The following SLCO3A1 variants were observed in gnomAD, a reference collection of about 807,000 sequenced individuals.
The protein encoded by SLCO3A1 is solute carrier organic anion transporter family member 3A1.
Under a neutral mutation model 63.1 loss-of-function variants are expected in SLCO3A1, and 27 were observed. That is an observed-to-expected ratio of 0.43 (90% CI 0.32 to 0.59). The LOEUF (loss-of-function observed/expected upper bound fraction) is 0.59. Ranked by LOEUF, SLCO3A1 falls within the 20% of genes least tolerant of loss-of-function variation. The pLI, the probability that SLCO3A1 is intolerant of heterozygous loss-of-function variation, is 0.09. For missense variants in SLCO3A1, 773 were observed against 945.8 expected (o/e 0.82, Z 2.40); for synonymous variants, 473 against 409.9 (o/e 1.15, Z -1.86).
intron 2 of SLCO3A1, among the ~76,000 whole-genome samples, chr15:91,995,465 A>G (rs1351544294): frequency 1.3e-5 from 2 of 152,244 alleles, no homozygotes; most frequent in Non-Finnish European, 2.9e-5. Context: ...GCTAATGGTT[A>G]GGAATTCAGA....
At chr15:91,881,894 A>C (rs1374287302) in intron 1 of SLCO3A1, among the ~76,000 whole-genome samples, 3 of 152,190 alleles carry the variant, frequency 2.0e-5, no homozygotes, top group Non-Finnish European at 2.9e-5. Context: ...TGCTTGAGTG[A>C]GGTAACCCTG....
At chr15:92,027,005 A>T (rs528847342) in intron 2 of SLCO3A1, among the ~76,000 whole-genome samples, 1 of 151,846 alleles carries the variant, frequency 6.6e-6, no homozygotes, top group Admixed American at 6.6e-5. Flanking sequence ...CAGGAGAATC[A>T]CTTGAACCCA....
chr15:91,990,751 G>A (rs776069914), intron 2 of SLCO3A1, among the ~76,000 whole-genome samples: 22 of 151,910 alleles, frequency 1.4e-4, no homozygotes, highest in Non-Finnish European at 2.6e-4. Flanking sequence ...GACCCTTCCT[G>A]ACGCATTTGC....
intron 2 of SLCO3A1, among the ~76,000 whole-genome samples, chr15:92,022,829 C>T (rs2046526974): frequency 6.6e-6 from 1 of 151,208 alleles, no homozygotes; most frequent in African/African-American, 2.5e-5. Flanking sequence ...CAGGAGGCTT[C>T]CCAGGAAGAA....
At chr15:92,153,396 G>A (rs1372438040) in intron 9 of SLCO3A1, 1 of 152,138 alleles carries the variant, frequency 6.6e-6, no homozygotes, top group Admixed American at 6.5e-5. Context: ...ATTAGAGGCT[G>A]GAAAACCCTG....
intron 2 of SLCO3A1, among the ~76,000 whole-genome samples, chr15:92,045,754 C>G (rs1324593821): frequency 6.6e-6 from 1 of 152,162 alleles, no homozygotes; most frequent in East Asian, 1.9e-4. Flanking sequence ...ATTTATTGAG[C>G]TACTGCGGAG....
intron 1 of SLCO3A1, among the ~76,000 whole-genome samples, chr15:91,892,718 A>G (rs1002337149): frequency 6.6e-6 from 1 of 152,182 alleles, no homozygotes; most frequent in Non-Finnish European, 1.5e-5. Flanking sequence ...AGCTCTCTTT[A>G]TAAATGTCCT....
intron 2 of SLCO3A1, among the ~76,000 whole-genome samples, chr15:92,090,164 T>A (rs909178281): frequency 6.6e-6 from 1 of 152,202 alleles, no homozygotes; most frequent in Non-Finnish European, 1.5e-5. Context: ...CATATTGATT[T>A]CCACACTTGG....
chr15:92,017,292 G>A (rs78764619), intron 2 of SLCO3A1, among the ~76,000 whole-genome samples: 4 of 151,986 alleles, frequency 2.6e-5, no homozygotes, highest in South Asian at 2.1e-4. Flanking sequence ...GATTGGGGGG[G>A]GGTAGGGAAA....
chr15:91,896,888 G>A (rs1898018851), intron 1 of SLCO3A1, among the ~76,000 whole-genome samples: 1 of 152,140 alleles, frequency 6.6e-6, no homozygotes. Flanking sequence ...AATCCAAATG[G>A]TACTTAGAAT....
At chr15:92,061,745 C>T (rs139830909) in intron 2 of SLCO3A1, among the ~76,000 whole-genome samples, 65 of 152,316 alleles carry the variant, frequency 4.3e-4, no homozygotes, top group Middle Eastern at 3.4e-3. Context: ...CAAAACAGGC[C>T]AGAAGGACCA....
At chr15:92,125,485 T>G (rs2047910161) in intron 5 of SLCO3A1, among the ~76,000 whole-genome samples, 1 of 152,100 alleles carries the variant, frequency 6.6e-6, no homozygotes, top group Admixed American at 6.5e-5. Flanking sequence ...CTACAAAACA[T>G]ATTGATTGAT....
At chr15:92,113,763 T>C (rs1388694895) in intron 4 of SLCO3A1, among the ~76,000 whole-genome samples, 1 of 152,182 alleles carries the variant, frequency 6.6e-6, no homozygotes, top group Middle Eastern at 3.2e-3. Flanking sequence ...AGGCCTCCTC[T>C]CCCACCTGGG....
rs923230584 is a variant in SLCO3A1 at position 91,854,513 on chromosome 15, C to A, written c.180+425C>A. On this transcript the variant is annotated intron_variant, in intron 1 of 9. Coordinates refer to ENST00000318445, the MANE Select transcript of SLCO3A1 (RefSeq NM_013272.4). This position sits in a 1 kb window ranked among gnomAD's most constrained non-coding sequence, Gnocchi z 6.4. ...CAGTTAGCATCCTGCGTCCTCTACT[C>A]TCCATTGCATCCTCCTCGAGAACAA... is the stretch of plus-strand genomic sequence containing the variant. 3.6e-6 allele frequency: 1 copy of A among 276,182 alleles called. No homozygotes were observed. Among genetic ancestry groups the A allele is most frequent in the Non-Finnish European group, 5.6e-6 (1 of 179,172 alleles). 17.1% of individuals were successfully genotyped at this position (276,182 alleles called of 1,614,324 possible).
chr15:92,020,311 G>T (rs535587324), intron 2 of SLCO3A1, among the ~76,000 whole-genome samples: 1 of 151,772 alleles, frequency 6.6e-6, no homozygotes, highest in East Asian at 1.9e-4. Context: ...CCCCCATAGC[G>T]CACATTTTTG....
intron 9 of SLCO3A1, chr15:92,161,587 C>A (rs1461022062): frequency 1.3e-5 from 2 of 152,204 alleles, no homozygotes; most frequent in Non-Finnish European, 2.9e-5. Flanking sequence ...CCAGGGGAAG[C>A]GAAGTTGTCA....
intron 2 of SLCO3A1, among the ~76,000 whole-genome samples, chr15:92,024,070 A>G (rs905161964): frequency 5.3e-5 from 8 of 152,324 alleles, no homozygotes; most frequent in Admixed American, 1.3e-4. Flanking sequence ...CCTGGGTGGC[A>G]CTTAGCATTT....
At chr15:92,036,375 T>TA (rs2046726550) in intron 2 of SLCO3A1, among the ~76,000 whole-genome samples, 1 of 151,780 alleles carries the variant, frequency 6.6e-6, no homozygotes, top group African/African-American at 2.4e-5. Flanking sequence ...TTTTTTTTTT[T>TA]TTCTATCTGT....
At chr15:92,135,352 A>G (rs2151575333) in intron 7 of SLCO3A1, among the ~76,000 whole-genome samples, 1 of 152,312 alleles carries the variant, frequency 6.6e-6, no homozygotes, top group South Asian at 2.1e-4. Flanking sequence ...GGACGTGCTC[A>G]GGCTCACGCG....
Sources: allele counts gnomAD v4.1 joint callset (sites outside exome capture counted in the v4.1 genomes callset), GRCh38; gene constraint gnomAD v4.1.1; non-coding constraint Gnocchi (gnomAD v3.1); transcripts MANE v1.5; gene names NCBI Gene and HGNC (gene_info 2026-07-23, HGNC 2026-07-21).